Variants in MTSS1 observed in about 807,000 individuals in gnomAD.
The protein encoded by MTSS1 is protein MTSS 1.
A neutral mutation model predicts 79.0 loss-of-function variants in MTSS1; 18 were observed. That is an observed-to-expected ratio of 0.23 (90% CI 0.16 to 0.34). MTSS1 has a LOEUF of 0.34. MTSS1 is among the 10% of genes least tolerant of loss of function. The pLI, the probability that MTSS1 is intolerant of heterozygous loss-of-function variation, is 1.00. For synonymous variants in MTSS1, 341 were observed against 368.6 expected (o/e 0.93, Z 0.86); for missense variants, 815 against 986.2 (o/e 0.83, Z 2.33).
rs1829425722 is a variant in MTSS1, at chr8:124,699,721, T to TGA, written c.135-124_135-123dup. 3 of 857,704 alleles carry TGA rather than the reference T, an allele frequency of 3.5e-6. No homozygotes were observed. In the Admixed American group the frequency reaches 6.6e-5, roughly 19 times the overall value. 53.1% of individuals were successfully genotyped at this position (857,704 alleles called of 1,614,324 possible). A position where few individuals can be genotyped will look rare whatever the true frequency, so the allele number is the denominator to read the frequency against. ...AACCTTCCTCCAGAAATAACTCAAC[T>TGA]GAGCATGGACAACCACTGTCTTGCT... On this transcript the variant is annotated intron_variant, in intron 2 of 13. Transcript: ENST00000518547.
intron 11 of MTSS1, 100 bp downstream of exon 11, chr8:124,557,581 G>T: frequency 8.2e-7 from 1 of 1,216,292 alleles, no homozygotes; most frequent in Non-Finnish European, 1.1e-6. Flanking sequence ...GAGTGTGAAA[G>T]GAAGGGGATG....
chr8:124,699,897 G>A (rs1363224330), intron 2 of MTSS1, among the ~76,000 whole-genome samples: 3 of 152,104 alleles, frequency 2.0e-5, no homozygotes, highest in Non-Finnish European at 4.4e-5. Flanking sequence ...CTGTATTCCT[G>A]GCACTTTGGG....
rs1834006415 is a variant in MTSS1 at position 124,728,120 on chromosome 8, GC to G, written c.-166del. ...GGGTGCACCAGACCGACTGTTCTCTGCCCAAAATAATAACAGTAATTTAAAA... is the reference window on the plus strand; with the variant it reads ...GGGTGCACCAGACCGACTGTTCTCTGCCAAAATAATAACAGTAATTTAAAA... On this transcript the variant is annotated 5_prime_UTR_variant, in exon 1 of 14. Coordinates refer to ENST00000518547, the MANE Select transcript of MTSS1 (RefSeq NM_014751.6). The surrounding 1 kb of genome is among the most constrained non-coding windows in gnomAD (Gnocchi z 6.1). 1.8e-6 allele frequency: 1 copy of G among 552,814 alleles called. No homozygotes were observed. Among genetic ancestry groups the G allele is most frequent in the Non-Finnish European group, 3.2e-6 (1 of 316,090 alleles). 34.2% of individuals were successfully genotyped at this position (552,814 alleles called of 1,614,324 possible).
chr8:124,629,805 C>G (rs182219797), intron 3 of MTSS1, among the ~76,000 whole-genome samples: 254 of 152,320 alleles, frequency 1.7e-3, no homozygotes, highest in African/African-American at 5.9e-3. Flanking sequence ...CCCCCTCCAT[C>G]TGGGAAGAAC....
rs939886508 is a variant in MTSS1 at position 124,551,953 on chromosome 8, GT to G, written c.*1038del. ...GGCTACCCTTGTCAAATCTGTTCGA[GT>G]TTTTTCAAAATACTTGGGCTTTTTA... On this transcript the variant is annotated 3_prime_UTR_variant, in exon 14 of 14. Coordinates refer to ENST00000518547, the MANE Select transcript of MTSS1 (RefSeq NM_014751.6). 6.6e-6 allele frequency: 1 copy of G among 152,650 alleles called. No individual in the cohort carries two copies. The highest frequency in any genetic ancestry group is 1.5e-5 in the Non-Finnish European group (1 of 68,040). 9.5% of individuals were successfully genotyped at this position (152,650 alleles called of 1,614,324 possible).
At chr8:124,610,104 GC>G (rs1448558450) in intron 3 of MTSS1, among the ~76,000 whole-genome samples, 1 of 152,166 alleles carries the variant, frequency 6.6e-6, no homozygotes, top group Non-Finnish European at 1.5e-5. Context: ...TCAATCCTCA[GC>G]TTTTCTGCCT....
intron 12 of MTSS1, 128 bp downstream of exon 12, chr8:124,556,104 G>A: frequency 1.3e-6 from 2 of 1,556,898 alleles, no homozygotes; most frequent in Non-Finnish European, 1.7e-6. Flanking sequence ...TGTAGAGCAG[G>A]AAGTCAGGGA....
intron 3 of MTSS1, among the ~76,000 whole-genome samples, chr8:124,684,758 T>C (rs1378569715): frequency 6.6e-6 from 1 of 152,158 alleles, no homozygotes; most frequent in East Asian, 1.9e-4. Flanking sequence ...TCTATGGAGA[T>C]GCTGGTAGAT....
Position 124,553,097 on chromosome 8 carries a change from G to A in MTSS1, c.2163C>T (p.Ser721=), listed in dbSNP as rs1822807464. 6.2e-7 allele frequency: 1 copy of A among 1,614,066 alleles called. No individual in the cohort carries two copies. Among genetic ancestry groups the A allele is most frequent in the Non-Finnish European group, 8.5e-7 (1 of 1,180,032 alleles). Residue 721 remains serine (S), a synonymous_variant, in exon 14 of 14, where the codon AGC becomes AGT. Transcript: ENST00000518547. This position sits in a 1 kb window ranked among gnomAD's most constrained non-coding sequence, Gnocchi z 6.0. The stretch of plus-strand genomic sequence containing the variant: ...CTTCTCCTTGTGGAGTATCCCTTGG[G>A]CTCAGGTCTGCAGGGTCACTCTCTG... The part of the protein sequence containing the change: ...QIPESDPADL[S]PRDTPQGEDM...
chr8:124,568,906 G>A, intron 6 of MTSS1: 1 of 1,364,194 alleles, frequency 7.3e-7, no homozygotes. Flanking sequence ...TAAGAGATGT[G>A]GAAACAAGGT....
At chr8:124,580,155 T>C (rs945870956) in intron 6 of MTSS1, 3 of 140,884 alleles carry the variant, frequency 2.1e-5, no homozygotes, top group Admixed American at 2.1e-4. Context: ...TTGAGAATTA[T>C]TTTGAGGCTT....
In MTSS1 at chr8:124,551,669, A is replaced by G. The variant is rs554727493; in HGVS notation, c.*1323T>C. ...TCAAATGTGATCCCTTTAAATCTAC[A>G]AATCTCTGTTGGCTTTAGGGGATGG... On this transcript the variant is annotated 3_prime_UTR_variant, in exon 14 of 14. Transcript: ENST00000518547. 3.9e-5 allele frequency: 6 copies of G among 152,466 alleles called. No homozygotes were observed. The highest frequency in any genetic ancestry group is 1.4e-4 in the African/African-American group (6 of 41,582). The allele number at this position is 152,466 out of a possible 1,614,324, so 9.4% of individuals were successfully genotyped here.
intron 3 of MTSS1, among the ~76,000 whole-genome samples, chr8:124,618,979 G>C (rs993320966): frequency 1.3e-5 from 2 of 152,192 alleles, no homozygotes; most frequent in Non-Finnish European, 2.9e-5. Flanking sequence ...TACTAAGTTT[G>C]CCTTTCTAAA....
At chr8:124,563,315 C>T in intron 9 of MTSS1, 1 of 339,262 alleles carries the variant, frequency 2.9e-6, no homozygotes, top group South Asian at 2.8e-5. Context: ...GCGCCCAACT[C>T]TGCTGCTTCG....
intron 6 of MTSS1, chr8:124,568,795 G>C (rs1003606646): frequency 2.8e-6 from 4 of 1,446,788 alleles, no homozygotes; most frequent in South Asian, 1.5e-5. Flanking sequence ...TTCATGACTT[G>C]CCTTCTCACA....
chr8:124,615,939 G>T (rs991259779), intron 3 of MTSS1, among the ~76,000 whole-genome samples: 5 of 152,106 alleles, frequency 3.3e-5, no homozygotes, highest in Admixed American at 3.3e-4. Context: ...AGACGCTATG[G>T]CTATTATGGC....
intron 3 of MTSS1, among the ~76,000 whole-genome samples, chr8:124,592,986 G>C (rs1395423629): frequency 6.6e-6 from 1 of 152,156 alleles, no homozygotes; most frequent in Non-Finnish European, 1.5e-5. Context: ...CCAAGCGAGG[G>C]CCAAGTGTTG....
At chr8:124,660,463 CACACACACA>C (rs1563950050) in intron 3 of MTSS1, among the ~76,000 whole-genome samples, 145 of 151,894 alleles carry the variant, frequency 9.5e-4, no homozygotes, top group African/African-American at 3.2e-3. Flanking sequence ...CACACACACA[CACACACACA>C]CCCTCAAGCT....
intron 3 of MTSS1, among the ~76,000 whole-genome samples, chr8:124,644,866 C>A (rs962443095): frequency 6.6e-6 from 1 of 152,124 alleles, no homozygotes; most frequent in African/African-American, 2.4e-5. Flanking sequence ...GAATTTGTGT[C>A]CACCCCTTAA....
Sources: allele counts gnomAD v4.1 joint callset (sites outside exome capture counted in the v4.1 genomes callset), GRCh38; gene constraint gnomAD v4.1.1; non-coding constraint Gnocchi (gnomAD v3.1); transcripts MANE v1.5; gene names NCBI Gene and HGNC (gene_info 2026-07-23, HGNC 2026-07-21).